The following LMO7 variants were observed in gnomAD, a reference collection of about 807,000 sequenced individuals.
LMO7 encodes the protein LIM domain only protein 7.
Under a neutral mutation model 206.5 loss-of-function variants are expected in LMO7, and 120 were observed. That is an observed-to-expected ratio of 0.58 (90% CI 0.50 to 0.68). LMO7 has a LOEUF of 0.68. LMO7 is among the 30% of genes least tolerant of loss of function. The probability of loss-of-function intolerance (pLI) is 0.00; values close to 1 mark genes in which losing one functional copy is unlikely to be tolerated. For missense variants in LMO7, 1,959 were observed against 1,957.9 expected (o/e 1.00, Z -0.01); for synonymous variants, 706 against 681.5 (o/e 1.04, Z -0.56).
At chr13:75,695,224 C>T (rs1201851458) in intron 1 of LMO7, among the ~76,000 whole-genome samples, 1 of 152,160 alleles carries the variant, frequency 6.6e-6, no homozygotes, top group African/African-American at 2.4e-5. Flanking sequence ...GTTGTACCTT[C>T]TTGGAGAAGA....
rs202190221 is a variant in LMO7, at chr13:75,841,670, C to T, written c.3718C>T (p.Arg1240Trp). 53 of 1,614,020 alleles carry T rather than the reference C, an allele frequency of 3.3e-5. No homozygotes were observed. Among genetic ancestry groups the T allele is most frequent in the East Asian group, 4.5e-5 (2 of 44,888 alleles). ...LSSNSMSLTT[R>W]EPSLATWEAT... ...CTCAAACAGCATGTCTCTGACCACA[C>T]GGGAGCCCTCTCTTGCCACCTGGGA... The change falls in exon 24 of 31, where the codon CGG (arginine) becomes TGG (tryptophan). Residue 1240 changes from arginine to tryptophan, a missense_variant. Coordinates refer to ENST00000377534, the MANE Select transcript of LMO7 (RefSeq NM_001306080.2).
chr13:75,783,089 A>G (rs2051797113), intron 4 of LMO7, among the ~76,000 whole-genome samples: 1 of 152,174 alleles, frequency 6.6e-6, no homozygotes, highest in Non-Finnish European at 1.5e-5. Flanking sequence ...GTAGCTAAGA[A>G]AACCATTTGT....
At chr13:75,757,845 T>C (rs2047812092) in intron 3 of LMO7, among the ~76,000 whole-genome samples, 1 of 148,492 alleles carries the variant, frequency 6.7e-6, no homozygotes, top group South Asian at 2.2e-4. Context: ...TGTGTGTATG[T>C]TGGTTTGTCT....
At chr13:75,623,682 A>AG (rs1566245630) in intron 2 of LMO7, among the ~76,000 whole-genome samples, 4 of 151,966 alleles carry the variant, frequency 2.6e-5, no homozygotes, top group African/African-American at 4.8e-5. Flanking sequence ...AAAAAAAAAA[A>AG]TAATTAAATT....
At chr13:75,699,534 C>T (rs191431921) in intron 1 of LMO7, among the ~76,000 whole-genome samples, 52 of 152,038 alleles carry the variant, frequency 3.4e-4, no homozygotes, top group Middle Eastern at 3.4e-3. Context: ...GCTGGGTCTC[C>T]GGGGGTGACA....
chr13:75,797,080 G>T (rs75284065), intron 6 of LMO7, among the ~76,000 whole-genome samples: 4 of 152,102 alleles, frequency 2.6e-5, no homozygotes, highest in Non-Finnish European at 5.9e-5. Context: ...TATACTCATC[G>T]TAAACTCAAC....
chr13:75,722,851 C>G (rs550656850), intron 2 of LMO7, among the ~76,000 whole-genome samples: 1 of 151,732 alleles, frequency 6.6e-6, no homozygotes, highest in Non-Finnish European at 1.5e-5. Context: ...TAAAAAGGAA[C>G]GAAATGGCAT....
chr13:75,855,699 G>A (rs149381722), intron 29 of LMO7, among the ~76,000 whole-genome samples: 1 of 152,206 alleles, frequency 6.6e-6, no homozygotes, highest in Admixed American at 6.5e-5. Flanking sequence ...GTTGTTAAGG[G>A]CAGGGACACA....
chr13:75,823,516 A>G (rs370949051), intron 14 of LMO7, 49 bp from the exon 15 acceptor site: 2 of 1,376,214 alleles, frequency 1.5e-6, no homozygotes, highest in Non-Finnish European at 2.0e-6. Context: ...TTAAAAACAG[A>G]AATAAAGGTA....
chr13:75,849,422 G>C, intron 27 of LMO7, 130 bp downstream of exon 27: 3 of 652,310 alleles, frequency 4.6e-6, no homozygotes, highest in East Asian at 5.5e-5. Flanking sequence ...ACTATTATGT[G>C]TCAGTTTACA....
intron 4 of LMO7, among the ~76,000 whole-genome samples, chr13:75,784,681 A>G (rs1196383021): frequency 6.6e-6 from 1 of 152,198 alleles, no homozygotes; most frequent in Admixed American, 6.5e-5. Context: ...CATGTACATC[A>G]GAAAGGAAAC....
intron 21 of LMO7, 51 bp from the exon 22 acceptor site, chr13:75,840,340 A>G: frequency 6.2e-7 from 1 of 1,600,668 alleles, no homozygotes; most frequent in Non-Finnish European, 8.5e-7. Context: ...TAGATGACTT[A>G]ATGAAGTTAT....
At chr13:75,636,883 T>C (rs1488032178) in intron 1 of LMO7, among the ~76,000 whole-genome samples, 157 bp downstream of exon 1, 7 of 152,238 alleles carry the variant, frequency 4.6e-5, no homozygotes, top group Non-Finnish European at 8.8e-5. Flanking sequence ...TTGGGGACTC[T>C]GCGGGTTCTG....
chr13:75,781,096 C>CTTTTTTTTTTTTTTTTG (rs2051284266), intron 4 of LMO7, among the ~76,000 whole-genome samples: 1 of 41,924 alleles, frequency 2.4e-5, no homozygotes, highest in Non-Finnish European at 4.1e-5. Flanking sequence ...CTCTATTTTC[C>CTTTTTTTTTTTTTTTTG]TTTTTTTTTT....
intron 3 of LMO7, among the ~76,000 whole-genome samples, chr13:75,735,646 AT>A (rs1203626178): frequency 8.4e-5 from 11 of 131,014 alleles, no homozygotes; most frequent in Admixed American, 1.5e-4. Context: ...TTTTTTTTGT[AT>A]TTTTTTTTAG....
At chr13:75,776,108 TATATAC>T (rs1401155568) in intron 4 of LMO7, among the ~76,000 whole-genome samples, 3 of 109,964 alleles carry the variant, frequency 2.7e-5, no homozygotes, top group East Asian at 2.4e-4. Context: ...TATATATATA[TATATAC>T]ATACATACAT....
chr13:75,819,311 A>G, intron 12 of LMO7, 82 bp from the exon 13 acceptor site: 2 of 1,452,244 alleles, frequency 1.4e-6, no homozygotes, highest in African/African-American at 2.9e-5. Context: ...GTGATGTAAT[A>G]AGATACTCTG....
chr13:75,680,924 T>C (rs2040429401), intron 1 of LMO7, among the ~76,000 whole-genome samples: 5 of 152,242 alleles, frequency 3.3e-5, no homozygotes, highest in Admixed American at 2.6e-4. Flanking sequence ...ATCAGTGAGT[T>C]GAGCTTTTTT....
chr13:75,741,637 A>G (rs533413281), intron 3 of LMO7, among the ~76,000 whole-genome samples: 1 of 152,358 alleles, frequency 6.6e-6, no homozygotes, highest in South Asian at 2.1e-4. Flanking sequence ...AAACCACATG[A>G]TTATCTCAAT....
Sources: gnomAD v4.1 joint callset for allele counts (sites outside exome capture counted in the v4.1 genomes callset) on GRCh38, gnomAD v4.1.1 for gene constraint, MANE v1.5 for transcripts, NCBI Gene and HGNC (gene_info 2026-07-23, HGNC 2026-07-21) for gene names.